SDK1: variants seen among roughly 807,000 people sequenced by gnomAD.
SDK1 encodes sidekick cell adhesion molecule 1.
A neutral mutation model predicts 245.5 loss-of-function variants in SDK1; 157 were observed. The ratio of observed to expected loss-of-function variants is 0.64; its 90% CI spans 0.56 to 0.73. SDK1 has a LOEUF of 0.73. Ranked by LOEUF, SDK1 falls within the 30% of genes least tolerant of loss-of-function variation. SDK1 has a pLI of 0.00. For synonymous variants in SDK1, 1,647 were observed against 1,278.5 expected (o/e 1.29, Z -6.15); for missense variants, 3,583 against 3,002.3 (o/e 1.19, Z -4.52).
intron 5 of SDK1, among the ~76,000 whole-genome samples, chr7:3,859,399 C>A (rs981258088): frequency 2.0e-5 from 3 of 152,076 alleles, no homozygotes; most frequent in African/African-American, 7.2e-5. Context: ...GCACTTTGAA[C>A]TTCAGTAACA....
At chr7:3,608,656 C>T (rs367923188) in intron 1 of SDK1, among the ~76,000 whole-genome samples, 2 of 152,066 alleles carry the variant, frequency 1.3e-5, no homozygotes, top group South Asian at 2.1e-4. Context: ...AACGTGTCAA[C>T]GTTTGGAAGG....
At chr7:3,384,592 C>T (rs908754855) in intron 1 of SDK1, among the ~76,000 whole-genome samples, 8 of 113,426 alleles carry the variant, frequency 7.1e-5, no homozygotes, top group Admixed American at 1.9e-4. Context: ...ATCATACCCT[C>T]GAACATCGAA....
At chr7:3,674,611 G>A (rs971459911) in intron 4 of SDK1, among the ~76,000 whole-genome samples, 1 of 152,112 alleles carries the variant, frequency 6.6e-6, no homozygotes, top group Non-Finnish European at 1.5e-5. Context: ...GGGATGAATT[G>A]AGATTCTAAG....
chr7:3,969,485 G>A (rs1374105061), intron 11 of SDK1, 61 bp downstream of exon 11: 19 of 1,346,082 alleles, frequency 1.4e-5, no homozygotes, highest in South Asian at 3.8e-5. Flanking sequence ...TCACGTCATC[G>A]TGTGCTTTGG....
chr7:3,634,402 G>C (rs1354736227), intron 2 of SDK1, among the ~76,000 whole-genome samples: 2 of 152,218 alleles, frequency 1.3e-5, no homozygotes, highest in East Asian at 1.9e-4. Context: ...GGACATTTAA[G>C]CCTTTGGTTT....
At chr7:4,206,999 G>GT (rs1196451655) in intron 36 of SDK1, among the ~76,000 whole-genome samples, 1 of 152,206 alleles carries the variant, frequency 6.6e-6, no homozygotes, top group Non-Finnish European at 1.5e-5. Context: ...TCCAAAATAT[G>GT]TTTTCTAATT....
intron 2 of SDK1, among the ~76,000 whole-genome samples, chr7:3,630,838 A>T (rs987551259): frequency 6.6e-6 from 1 of 151,706 alleles, no homozygotes; most frequent in African/African-American, 2.4e-5. Flanking sequence ...TTCCAAACTT[A>T]TCCCTTGGTG....
intron 17 of SDK1, among the ~76,000 whole-genome samples, chr7:4,043,561 G>C (rs1191530813): frequency 2.6e-5 from 4 of 152,166 alleles, no homozygotes; most frequent in Admixed American, 2.6e-4. Flanking sequence ...TGTTAAATGG[G>C]TGAACTCAGG....
chr7:3,986,317 C>T (rs1783822595), intron 13 of SDK1, among the ~76,000 whole-genome samples: 1 of 151,788 alleles, frequency 6.6e-6, no homozygotes, highest in Admixed American at 6.6e-5. Flanking sequence ...TGAGTGGTTT[C>T]ACCACACTTC....
intron 5 of SDK1, among the ~76,000 whole-genome samples, chr7:3,920,319 G>C (rs1779541877): frequency 6.6e-6 from 1 of 152,212 alleles, no homozygotes. Flanking sequence ...AAGATTTGCA[G>C]TCTTGCAGGT....
intron 28 of SDK1, among the ~76,000 whole-genome samples, chr7:4,142,796 T>G (rs1474093124): frequency 6.6e-6 from 1 of 152,224 alleles, no homozygotes; most frequent in Non-Finnish European, 1.5e-5. Flanking sequence ...ATTTGCATGA[T>G]TTTTGAGCCA....
At chr7:3,622,826 T>C (rs374937129) in intron 2 of SDK1, among the ~76,000 whole-genome samples, 16 of 152,104 alleles carry the variant, frequency 1.1e-4, no homozygotes, top group African/African-American at 2.7e-4. Context: ...GGGGTATTTG[T>C]GATAAATTAT....
At chr7:4,069,533 G>A (rs962748809) in intron 20 of SDK1, among the ~76,000 whole-genome samples, 12 of 152,212 alleles carry the variant, frequency 7.9e-5, no homozygotes, top group South Asian at 2.1e-4. Flanking sequence ...TCTCCGCTCC[G>A]TGGTGGCAGC....
intron 1 of SDK1, among the ~76,000 whole-genome samples, chr7:3,362,417 G>C (rs983912056): frequency 6.6e-6 from 1 of 152,032 alleles, no homozygotes; most frequent in Admixed American, 6.5e-5. Context: ...TTTGGTGATT[G>C]TGTTTGATCA....
intron 1 of SDK1, among the ~76,000 whole-genome samples, chr7:3,599,781 C>T (rs1583212531): frequency 6.6e-6 from 1 of 152,150 alleles, no homozygotes; most frequent in Non-Finnish European, 1.5e-5. Flanking sequence ...TGAGTGTTTG[C>T]CAGCTCTCTA....
Position 4,268,630 on chromosome 7 carries a change from A to C in SDK1, c.*3246A>C, listed in dbSNP as rs745712322. 39 of 1,367,592 alleles carry C rather than the reference A, an allele frequency of 2.9e-5. No homozygotes were observed. The highest frequency in any genetic ancestry group is 3.6e-5 in the Non-Finnish European group (37 of 1,021,848). 84.7% of individuals were successfully genotyped at this position (1,367,592 alleles called of 1,614,324 possible). ...CTGGGCTGAAGCATGATGTTTGCCTAATGGTTCGTAGCATGGTTTTTATTT... is the reference window on the plus strand; with the variant it reads ...CTGGGCTGAAGCATGATGTTTGCCTCATGGTTCGTAGCATGGTTTTTATTT... On this transcript the variant is annotated 3_prime_UTR_variant, in exon 45 of 45. Coordinates refer to ENST00000404826, the MANE Select transcript of SDK1 (RefSeq NM_152744.4).
At chr7:3,609,495 G>T (rs1781525465) in intron 1 of SDK1, among the ~76,000 whole-genome samples, 1 of 152,140 alleles carries the variant, frequency 6.6e-6, no homozygotes, top group Admixed American at 6.5e-5. Flanking sequence ...CTGCTTCCCG[G>T]TTTCAAACGA....
chr7:3,316,235 A>G (rs1023078926), intron 1 of SDK1, among the ~76,000 whole-genome samples: 15 of 152,202 alleles, frequency 9.9e-5, no homozygotes, highest in Admixed American at 7.2e-4. Context: ...GACAGACTGC[A>G]TATATAAGGG....
chr7:3,857,754 G>A (rs960610940), intron 5 of SDK1, among the ~76,000 whole-genome samples: 3 of 151,942 alleles, frequency 2.0e-5, no homozygotes, highest in African/African-American at 7.3e-5. Context: ...AGTTCTGAAG[G>A]GTGGCTAGAT....
Sources: allele counts gnomAD v4.1 joint callset (sites outside exome capture counted in the v4.1 genomes callset), GRCh38; gene constraint gnomAD v4.1.1; transcripts MANE v1.5; gene names NCBI Gene and HGNC (gene_info 2026-07-23, HGNC 2026-07-21).